Variants in TMED3 observed in about 807,000 individuals in gnomAD.
TMED3 encodes transmembrane emp24 domain-containing protein 3.
A neutral mutation model predicts 15.0 loss-of-function variants in TMED3; 9 were observed. That is an observed-to-expected ratio of 0.60 (90% CI 0.36 to 1.04). The LOEUF (loss-of-function observed/expected upper bound fraction) is 1.04, where lower values mean the gene tolerates loss of function less well. Among genes scored for constraint, TMED3 ranks in the 50% least tolerant of loss-of-function variants. TMED3 has a pLI of 0.01. For missense variants in TMED3, 267 were observed against 278.9 expected (o/e 0.96, Z 0.30); for synonymous variants, 117 against 121.4 (o/e 0.96, Z 0.24).
chr15:79,399,969 C>A (rs1384531747), intron 2 of TMED3, among the ~76,000 whole-genome samples: 1 of 152,154 alleles, frequency 6.6e-6, no homozygotes, highest in Non-Finnish European at 1.5e-5. Flanking sequence ...ACAAGGTATC[C>A]CAGGTCAGGA....
chr15:79,359,529 A>G (rs997660024), intron 2 of TMED3, among the ~76,000 whole-genome samples: 5 of 152,072 alleles, frequency 3.3e-5, no homozygotes, highest in African/African-American at 1.2e-4. Flanking sequence ...TACCCGGCCA[A>G]TTTGAAGGGG....
intron 2 of TMED3, among the ~76,000 whole-genome samples, chr15:79,339,309 C>T (rs1217629909): frequency 6.6e-6 from 1 of 152,152 alleles, no homozygotes; most frequent in Non-Finnish European, 1.5e-5. Context: ...AATATCAGTG[C>T]AGCCTGGCAT....
Position 79,322,037 on chromosome 15 carries a change from G to A in TMED3, c.477G>A (p.Thr159=), listed in dbSNP as rs746358600. ...EALKTVIDSQ[T]HYRLREAQDR... ...TGAAAACGGTGATTGACTCCCAGACGCATTACCGGCTGCGGGAGGCCCAGG... is the reference window on the plus strand; with the variant it reads ...TGAAAACGGTGATTGACTCCCAGACACATTACCGGCTGCGGGAGGCCCAGG... The change falls in exon 3 of 3, where the codon ACG becomes ACA. Residue 159 remains threonine (T), a synonymous_variant. Coordinates refer to ENST00000299705, the MANE Select transcript of TMED3 (RefSeq NM_007364.4). 5.0e-6 allele frequency: 8 copies of A among 1,614,206 alleles called. No individual in the cohort carries two copies. The highest frequency in any genetic ancestry group is 4.5e-5 in the East Asian group (2 of 44,876).
chr15:79,377,785 T>C (rs1323471772), intron 2 of TMED3, among the ~76,000 whole-genome samples: 1 of 151,978 alleles, frequency 6.6e-6, no homozygotes, highest in Non-Finnish European at 1.5e-5. Flanking sequence ...TAGCTGGGAC[T>C]ACAGGCGCCC....
At chr15:79,401,696 C>T (rs1364100123) in intron 2 of TMED3, among the ~76,000 whole-genome samples, 2 of 152,172 alleles carry the variant, frequency 1.3e-5, no homozygotes, top group East Asian at 1.9e-4. Flanking sequence ...AGAGTTACTT[C>T]ACCTTTCTGC....
intron 2 of TMED3, chr15:79,383,154 C>A: frequency 1.2e-6 from 1 of 803,764 alleles, no homozygotes; most frequent in Non-Finnish European, 2.1e-6. Context: ...CTGCCTTGTC[C>A]ACTCTCACCT....
intron 2 of TMED3, among the ~76,000 whole-genome samples, chr15:79,352,324 A>T (rs546836997): frequency 6.6e-6 from 1 of 152,244 alleles, no homozygotes; most frequent in East Asian, 1.9e-4. Flanking sequence ...AAAGGTCAGC[A>T]TTTGAATCAT....
At chr15:79,336,237 G>T (rs1025128096) in intron 2 of TMED3, among the ~76,000 whole-genome samples, 3 of 152,162 alleles carry the variant, frequency 2.0e-5, no homozygotes, top group African/African-American at 7.2e-5. Flanking sequence ...TATACATGAG[G>T]TTGTAAATCT....
At chr15:79,394,656 A>G (rs1025090382) in intron 2 of TMED3, among the ~76,000 whole-genome samples, 1 of 152,216 alleles carries the variant, frequency 6.6e-6, no homozygotes, top group Non-Finnish European at 1.5e-5. Flanking sequence ...AATGGAGAAG[A>G]GGTTCTTGCA....
At chr15:79,370,408 A>T (rs1056652018) in intron 2 of TMED3, among the ~76,000 whole-genome samples, 11 of 151,920 alleles carry the variant, frequency 7.2e-5, no homozygotes, top group African/African-American at 2.7e-4. Flanking sequence ...GGCATCCCAT[A>T]GATTGGGGCA....
intron 2 of TMED3, among the ~76,000 whole-genome samples, chr15:79,341,529 T>C (rs142640229): frequency 1.3e-5 from 2 of 152,342 alleles, no homozygotes; most frequent in Non-Finnish European, 2.9e-5. Context: ...CGTAGGTTTT[T>C]AGATCACTGT....
At chr15:79,347,866 C>A (rs1462199104) in intron 2 of TMED3, among the ~76,000 whole-genome samples, 1 of 152,020 alleles carries the variant, frequency 6.6e-6, no homozygotes, top group East Asian at 1.9e-4. Flanking sequence ...CAAAACACTG[C>A]TCAAAGAAAT....
intron 2 of TMED3, among the ~76,000 whole-genome samples, chr15:79,352,885 A>G (rs1476795735): frequency 6.3e-5 from 8 of 127,264 alleles, no homozygotes; most frequent in African/African-American, 2.2e-4. Context: ...AAATATACAT[A>G]TAATATATAT....
intron 2 of TMED3, among the ~76,000 whole-genome samples, chr15:79,351,718 T>G (rs1260183570): frequency 6.6e-6 from 1 of 152,160 alleles, no homozygotes; most frequent in Non-Finnish European, 1.5e-5. Flanking sequence ...GTAATCCTAC[T>G]CTGGGGCATC....
rs60142293 is a variant in TMED3 at position 79,353,271 on chromosome 15, A to G, written c.417+39266A>G. Among the ~76,000 whole-genome samples the G allele has an allele frequency of 8.4e-3, 327 of 38,754 alleles. 10 individuals carry two copies. The highest frequency in any genetic ancestry group is 0.036 in the African/African-American group (319 of 8,752). The allele number at this position is 38,754 out of a possible 152,430, so 25.4% of individuals were successfully genotyped here. A position where few individuals can be genotyped will look rare whatever the true frequency, so the allele number is the denominator to read the frequency against. On this transcript the variant is annotated intron_variant, in intron 2 of 2. Coordinates refer to the TMED3 transcript ENST00000424155. ...CTATATATAATATATATTATATATA[A>G]TATATATAATATATATTATATGTAT...
chr15:79,361,596 C>T (rs1893128476), intron 2 of TMED3, among the ~76,000 whole-genome samples: 1 of 152,134 alleles, frequency 6.6e-6, no homozygotes, highest in African/African-American at 2.4e-5. Flanking sequence ...TAAAAGATTA[C>T]AAATTGGGTG....
Position 79,408,145 on chromosome 15 carries a change from G to A in TMED3, c.418-3255G>A, listed in dbSNP as rs191161049. ...ATCCTGACCTTCCAACCCACAGCAA[G>A]GAAAACATTCTTCATCTGTAAGAAT... On this transcript the variant is annotated intron_variant, in intron 2 of 2. Transcript: ENST00000424155. 7.9e-4 allele frequency among the ~76,000 whole-genome samples: 120 copies of A among 152,318 alleles called. No individual in the cohort carries two copies. The Middle Eastern group carries it at 0.024, about 30-fold the overall frequency.
chr15:79,341,016 A>C (rs1223705400), intron 2 of TMED3, among the ~76,000 whole-genome samples: 1 of 152,062 alleles, frequency 6.6e-6, no homozygotes, highest in Admixed American at 6.6e-5. Flanking sequence ...CAACATACTG[A>C]GGCCCCATCT....
intron 2 of TMED3, among the ~76,000 whole-genome samples, chr15:79,370,320 A>G (rs1164911968): frequency 7.8e-6 from 1 of 127,716 alleles, no homozygotes; most frequent in Non-Finnish European, 1.5e-5. Flanking sequence ...CAAAGCTTGG[A>G]CTCTGGCTCC....
Sources: allele counts gnomAD v4.1 joint callset (sites outside exome capture counted in the v4.1 genomes callset), GRCh38; gene constraint gnomAD v4.1.1; transcripts MANE v1.5; gene names NCBI Gene and HGNC (gene_info 2026-07-23, HGNC 2026-07-21).